Variants in IL1RAPL2 observed in about 807,000 individuals in gnomAD.
IL1RAPL2 encodes X-linked interleukin-1 receptor accessory protein-like 2.
Under a neutral mutation model 44.1 loss-of-function variants are expected in IL1RAPL2, and 3 were observed. The observed-to-expected ratio is 0.07, with a 90% CI of 0.03 to 0.18. IL1RAPL2 has a LOEUF of 0.18. IL1RAPL2 is among the 10% of genes least tolerant of loss of function. The pLI is 1.00. For synonymous variants in IL1RAPL2, 181 were observed against 178.8 expected, an observed-to-expected ratio of 1.01 and a Z score of -0.10; for missense variants, 391 against 496.4, an observed-to-expected ratio of 0.79 and a Z score of 2.02.
chrX:104,881,516 G>T (rs1015376559), intron 2 of IL1RAPL2, among the ~76,000 whole-genome samples: 49 of 112,309 alleles, frequency 4.4e-4, no homozygotes, highest in African/African-American at 1.5e-3. Context: ...ACTAAGCTCT[G>T]CTTTTCAGAA....
intron 2 of IL1RAPL2, among the ~76,000 whole-genome samples, chrX:105,035,123 T>C (rs1031779550): frequency 9.9e-5 from 11 of 111,522 alleles, no homozygotes; most frequent in African/African-American, 3.6e-4. Context: ...GTGACCCAAT[T>C]TTCCAGGTGC....
intron 2 of IL1RAPL2, among the ~76,000 whole-genome samples, chrX:105,144,346 T>G (rs574190571): frequency 1.8e-5 from 2 of 111,275 alleles, no homozygotes; most frequent in South Asian, 7.6e-4. Context: ...CTATGGTAGG[T>G]AAATGAGCAG....
intron 10 of IL1RAPL2, among the ~76,000 whole-genome samples, chrX:105,762,811 A>G (rs1054970772): frequency 8.9e-6 from 1 of 111,846 alleles, no homozygotes; most frequent in Non-Finnish European, 1.9e-5. Context: ...TCAGTTGCTA[A>G]ATTTGCCGGA....
intron 2 of IL1RAPL2, among the ~76,000 whole-genome samples, chrX:105,109,174 T>C (rs1050777664): frequency 1.8e-5 from 2 of 112,238 alleles, no homozygotes; most frequent in African/African-American, 6.5e-5. Context: ...TCAGAACCCA[T>C]TTTCTTACTT....
intron 5 of IL1RAPL2, among the ~76,000 whole-genome samples, chrX:105,395,074 A>G (rs943839636): frequency 8.9e-6 from 1 of 111,780 alleles, no homozygotes; most frequent in Non-Finnish European, 1.9e-5. Flanking sequence ...AAAGTATAGC[A>G]GAATACTACC....
At chrX:105,361,534 A>C (rs1482759861) in intron 5 of IL1RAPL2, among the ~76,000 whole-genome samples, 3 of 111,694 alleles carry the variant, frequency 2.7e-5, no homozygotes, top group Admixed American at 9.6e-5. Context: ...GAAATAAGAT[A>C]AGGTCAAGTT....
At chrX:104,672,974 T>C (rs1602672947) in intron 2 of IL1RAPL2, among the ~76,000 whole-genome samples, 2 of 111,636 alleles carry the variant, frequency 1.8e-5, no homozygotes, top group African/African-American at 6.5e-5. Context: ...TTTGTTTGAG[T>C]TCATTGTAGA....
At chrX:105,516,784 A>G (rs144706360) in intron 6 of IL1RAPL2, among the ~76,000 whole-genome samples, 1,974 of 111,883 alleles carry the variant, frequency 0.018, 41 homozygotes, top group African/African-American at 0.06. Context: ...GGGTTACACA[A>G]ATAAATTTCA....
intron 2 of IL1RAPL2, among the ~76,000 whole-genome samples, chrX:104,955,987 A>T (rs1312552358): frequency 8.9e-6 from 1 of 112,306 alleles, no homozygotes; most frequent in African/African-American, 3.2e-5. Context: ...TCTGGGGTGA[A>T]GGGAAGTGTA....
At chrX:104,899,434 G>C (rs1237481517) in intron 2 of IL1RAPL2, among the ~76,000 whole-genome samples, 1 of 111,520 alleles carries the variant, frequency 9.0e-6, no homozygotes, top group Non-Finnish European at 1.9e-5. Flanking sequence ...ATAGATAAAT[G>C]AAGTTACTTC....
At chrX:105,628,972 G>A (rs1449844706) in intron 6 of IL1RAPL2, among the ~76,000 whole-genome samples, 1 of 110,542 alleles carries the variant, frequency 9.0e-6, no homozygotes, top group Non-Finnish European at 1.9e-5. Flanking sequence ...GCAGGGGTTT[G>A]AACATTTACT....
chrX:105,131,216 G>C (rs2033023361), intron 2 of IL1RAPL2, among the ~76,000 whole-genome samples: 1 of 110,437 alleles, frequency 9.1e-6, no homozygotes, highest in East Asian at 2.9e-4. Flanking sequence ...CTTCTAAGCT[G>C]TATTTAAGGG....
chrX:105,315,578 G>GGATATATATATATATATATATATA (rs1556280626), intron 5 of IL1RAPL2, among the ~76,000 whole-genome samples: 3 of 21,815 alleles, frequency 1.4e-4, no homozygotes, highest in African/African-American at 2.2e-4. Context: ...ACTAATGGAT[G>GGATATATATATATATATATATATA]TATATATATA....
chrX:105,707,283 G>A lies in IL1RAPL2; in HGVS notation c.773-10084G>A, dbSNP rs773428437. On this transcript the variant is annotated intron_variant, in intron 6 of 10. Coordinates refer to ENST00000372582, the MANE Select transcript of IL1RAPL2 (RefSeq NM_017416.2). ...ATGAAAGGGAAAACTTGAACTTCAA[G>A]GCCATTATTTATTATTTGTACCCTG... Among the ~76,000 whole-genome samples, 31 of 111,756 alleles carry A rather than the reference G, an allele frequency of 2.8e-4. No individual in the cohort carries two copies. In the South Asian group the frequency reaches 7.8e-3, roughly 28 times the overall value.
intron 2 of IL1RAPL2, among the ~76,000 whole-genome samples, chrX:104,929,623 A>G (rs1348993953): frequency 8.9e-6 from 1 of 111,785 alleles, no homozygotes; most frequent in African/African-American, 3.3e-5. Context: ...TGCTCAATCG[A>G]TGGCAGGCTG....
intron 1 of IL1RAPL2, among the ~76,000 whole-genome samples, chrX:104,592,620 C>T (rs899771145): frequency 2.7e-5 from 3 of 111,470 alleles, no homozygotes; most frequent in African/African-American, 9.8e-5. Flanking sequence ...TTTTAACAGT[C>T]GCACAGGATG....
intron 6 of IL1RAPL2, among the ~76,000 whole-genome samples, chrX:105,694,576 G>A (rs1484295981): frequency 1.8e-5 from 2 of 110,939 alleles, no homozygotes; most frequent in Non-Finnish European, 3.8e-5. Context: ...TAAAATTCCT[G>A]ACCCATGATC....
chrX:104,854,275 C>A (rs987435617), intron 2 of IL1RAPL2, among the ~76,000 whole-genome samples: 2 of 110,801 alleles, frequency 1.8e-5, no homozygotes, highest in Admixed American at 1.9e-4. Context: ...CATCCAGAAA[C>A]CCTGATTTTT....
At chrX:105,104,027 T>C (rs2032705479) in intron 2 of IL1RAPL2, among the ~76,000 whole-genome samples, 1 of 112,006 alleles carries the variant, frequency 8.9e-6, no homozygotes, top group African/African-American at 3.2e-5. Context: ...CCAATAACTG[T>C]AGTCACAATA....
Sources: allele counts gnomAD v4.1 joint callset (sites outside exome capture counted in the v4.1 genomes callset), GRCh38; gene constraint gnomAD v4.1.1; transcripts MANE v1.5; gene names NCBI Gene and HGNC (gene_info 2026-07-23, HGNC 2026-07-21).